Variants in AMZ2 observed in about 807,000 individuals in gnomAD.
The protein encoded by AMZ2 is archaelysin family metallopeptidase 2.
In AMZ2, 26 loss-of-function variants were observed where a neutral mutation model predicts 36.7. The ratio of observed to expected loss-of-function variants is 0.71; its 90% confidence interval spans 0.52 to 0.98. The LOEUF (loss-of-function observed/expected upper bound fraction) is 0.98. Ranked by LOEUF, AMZ2 falls within the 50% of genes least tolerant of loss-of-function variation. AMZ2 has a pLI of 0.00. For synonymous variants in AMZ2, 144 were observed against 149.1 expected (o/e 0.97, Z 0.25); for missense variants, 394 against 430.5 (o/e 0.92, Z 0.75).
chr17:68,230,925 T>G (rs2073645701), intron 1 of AMZ2, among the ~76,000 whole-genome samples: 2 of 152,234 alleles, frequency 1.3e-5, no homozygotes. Flanking sequence ...GCTCATTTTT[T>G]ATTGAAAACT....
chr17:68,246,357 G>A (rs1568367479), upstream of AMZ2, among the ~76,000 whole-genome samples: 1 of 152,196 alleles, frequency 6.6e-6, no homozygotes, highest in Non-Finnish European at 1.5e-5. Flanking sequence ...GACAGAGCGA[G>A]ACTTCGTGTC....
rs575024253 is a variant in AMZ2, at chr17:68,251,439, C to T, written c.586+261C>T. 2.3e-5 allele frequency: 8 copies of T among 344,870 alleles called. No homozygotes were observed. The South Asian group carries it at 2.7e-4, about 11-fold the overall frequency. The allele number at this position is 344,870 out of a possible 1,614,324, so 21.4% of individuals were successfully genotyped here. ...TTTGGAGATAATTTACATAAAAGTG[C>T]CTGTACATAAAAAGTGTGGATAAGC... On this transcript the variant is annotated intron_variant, in intron 4 of 6. Transcript: ENST00000359904.
chr17:68,233,363 G>T (rs573196051), intron 1 of AMZ2, among the ~76,000 whole-genome samples: 1 of 152,230 alleles, frequency 6.6e-6, no homozygotes, highest in East Asian at 1.9e-4. Context: ...GTAAAAATTA[G>T]CTGGGCGTGG....
chr17:68,227,210 C>T (rs1265619916), intron 1 of AMZ2, among the ~76,000 whole-genome samples: 2 of 152,158 alleles, frequency 1.3e-5, no homozygotes, highest in Non-Finnish European at 2.9e-5. Flanking sequence ...AGACCTGCTC[C>T]GTGACCTCGG....
chr17:68,247,598 G>C (rs2074084525), upstream of AMZ2: 1 of 979,720 alleles, frequency 1.0e-6, no homozygotes, highest in East Asian at 1.1e-4. Context: ...AAGTGCTGAG[G>C]GTGACGGCCC....
chr17:68,223,123 G>A (rs1555728979), intron 1 of AMZ2, among the ~76,000 whole-genome samples: 1 of 152,178 alleles, frequency 6.6e-6, no homozygotes, highest in African/African-American at 2.4e-5. Context: ...GATATTAATT[G>A]TCCGTTATTC....
intron 1 of AMZ2, among the ~76,000 whole-genome samples, chr17:68,225,774 C>T (rs1356787115): frequency 6.6e-6 from 1 of 152,114 alleles, no homozygotes; most frequent in Non-Finnish European, 1.5e-5. Flanking sequence ...AGGTGCCCAC[C>T]ACCATGCCCA....
intron 1 of AMZ2, among the ~76,000 whole-genome samples, chr17:68,240,478 G>A (rs1372126321): frequency 6.6e-6 from 1 of 152,220 alleles, no homozygotes; most frequent in Non-Finnish European, 1.5e-5. Context: ...ATGGAAAAAT[G>A]TGAGAGAGAG....
At chr17:68,229,331 C>T (rs2073602539) in intron 1 of AMZ2, among the ~76,000 whole-genome samples, 1 of 152,128 alleles carries the variant, frequency 6.6e-6, no homozygotes, top group African/African-American at 2.4e-5. Flanking sequence ...GTGCCTGTCC[C>T]CACACCCACC....
intron 1 of AMZ2, among the ~76,000 whole-genome samples, chr17:68,210,737 C>T (rs1165969955): frequency 6.6e-6 from 1 of 151,888 alleles, no homozygotes; most frequent in Non-Finnish European, 1.5e-5. Flanking sequence ...CACTTGAGTC[C>T]AGGAGTTCAA....
chr17:68,219,175 C>T (rs1305358571), intron 1 of AMZ2, among the ~76,000 whole-genome samples: 1 of 152,162 alleles, frequency 6.6e-6, no homozygotes, highest in Non-Finnish European at 1.5e-5. Context: ...CCATGTTGGC[C>T]AGGCTGGTCT....
intron 1 of AMZ2, among the ~76,000 whole-genome samples, chr17:68,238,310 G>C (rs1555733261): frequency 1.3e-5 from 2 of 152,064 alleles, no homozygotes; most frequent in Non-Finnish European, 2.9e-5. Context: ...GCCTTCTAAA[G>C]TGCTAGGATT....
At chr17:68,209,243 G>A (rs2072941921) in intron 1 of AMZ2, among the ~76,000 whole-genome samples, 1 of 151,286 alleles carries the variant, frequency 6.6e-6, no homozygotes, top group Non-Finnish European at 1.5e-5. Flanking sequence ...GCCTAGGCTG[G>A]AGTGCAATGG....
At chr17:68,210,140 G>A (rs1364493279) in intron 1 of AMZ2, among the ~76,000 whole-genome samples, 2 of 152,252 alleles carry the variant, frequency 1.3e-5, no homozygotes, top group African/African-American at 4.8e-5. Context: ...TACTCAAAAA[G>A]TTAAACTTAG....
Position 68,257,061 on chromosome 17 carries a change from C to G in AMZ2, c.*92C>G. 1.5e-6 allele frequency: 2 copies of G among 1,359,622 alleles called. No homozygotes were observed. Among genetic ancestry groups the G allele is most frequent in the Non-Finnish European group, 2.0e-6 (2 of 992,584 alleles). 84.2% of individuals were successfully genotyped at this position (1,359,622 alleles called of 1,614,324 possible). A position where few individuals can be genotyped will look rare whatever the true frequency, so the allele number is the denominator to read the frequency against. ...TACTTCATTGGAATAAACTACTGAT[C>G]TTGTGCTGTGTCAAAGTAACAGACT... On this transcript the variant is annotated 3_prime_UTR_variant, in exon 7 of 7. Transcript: ENST00000359904.
At chr17:68,243,067 A>G (rs2073935893), upstream of AMZ2, among the ~76,000 whole-genome samples, 1 of 151,232 alleles carries the variant, frequency 6.6e-6, no homozygotes, top group Non-Finnish European at 1.5e-5. Context: ...AAAAAATTAC[A>G]ATGTGTAAAC....
At position 68,208,208 on chromosome 17, in the gene AMZ2, G is replaced by A. The variant is rs547904716; in HGVS notation, c.-67+1970G>A. On this transcript the variant is annotated intron_variant, in intron 1 of 7. Transcript: ENST00000674770. ...GGGCTGAGAAGTGCGGGCACAGGGC[G>A]CGGGACTGGCAGGCAGCTCCACCTG... Among the ~76,000 whole-genome samples the A allele has an allele frequency of 2.7e-4, 41 of 152,334 alleles. 1 individual carries two copies. The South Asian group carries it at 7.7e-3, about 28-fold the overall frequency.
At chr17:68,208,351 T>G (rs2072909553) in intron 1 of AMZ2, among the ~76,000 whole-genome samples, 1 of 152,180 alleles carries the variant, frequency 6.6e-6, no homozygotes, top group Non-Finnish European at 1.5e-5. Context: ...GCACTCTGTA[T>G]CTAGCTCAAG....
chr17:68,218,667 A>T (rs1213201740), intron 1 of AMZ2, among the ~76,000 whole-genome samples: 2 of 152,142 alleles, frequency 1.3e-5, no homozygotes, highest in Non-Finnish European at 1.5e-5. Flanking sequence ...TCAGTTCTGT[A>T]TGTCCAGCAG....
Sources: gnomAD v4.1 joint callset for allele counts (sites outside exome capture counted in the v4.1 genomes callset) on GRCh38, gnomAD v4.1.1 for gene constraint, MANE v1.5 for transcripts, NCBI Gene and HGNC (gene_info 2026-07-23, HGNC 2026-07-21) for gene names.